Variants in ROBO1 observed in about 807,000 individuals in gnomAD.
ROBO1 encodes roundabout guidance receptor 1, also known as roundabout homolog 1.
ROBO1 carries 149 observed loss-of-function variants against 195.9 expected under a neutral mutation model. That is an observed-to-expected ratio of 0.76 (90% CI 0.67 to 0.87). The LOEUF (loss-of-function observed/expected upper bound fraction) is 0.87, where lower values mean the gene tolerates loss of function less well. Ranked by LOEUF, ROBO1 falls within the 40% of genes least tolerant of loss-of-function variation. The pLI is 0.00. For synonymous variants in ROBO1, 816 were observed against 733.2 expected, an observed-to-expected ratio of 1.11 and a Z score of -1.82; for missense variants, 1,933 against 2,068.3, an observed-to-expected ratio of 0.93 and a Z score of 1.27.
chr3:78,598,927 C>T lies in ROBO1; in HGVS notation c.4942G>A (p.Glu1648Lys). Residue 1648 changes from glutamate to lysine, a missense_variant and splice_region_variant, in exon 31 of 31, where the codon GAA (glutamate) becomes AAA (lysine). Glu to Lys is a moderately conservative substitution (Grantham distance 56, BLOSUM62 1). This residue lies in a region of ROBO1 where 1,737 missense variants were observed against 1,882.5 expected (regional missense o/e 0.92). Transcript: ENST00000464233. ...RGEDNNEELE[E>K]TES ...CTTGGTTGTCTTCAGCTTTCAGTTTCCTGTAAGAGATACGTTATTGTCACA... is the reference window on the plus strand; with the variant it reads ...CTTGGTTGTCTTCAGCTTTCAGTTTTCTGTAAGAGATACGTTATTGTCACA... 1 of 1,567,506 alleles carries T rather than the reference C, an allele frequency of 6.4e-7. No individual in the cohort carries two copies. The highest frequency in any genetic ancestry group is 8.7e-7 in the Non-Finnish European group (1 of 1,150,924).
At chr3:79,007,131 T>TAA (rs199685590) in intron 3 of ROBO1, among the ~76,000 whole-genome samples, 6 of 151,636 alleles carry the variant, frequency 4.0e-5, no homozygotes, top group African/African-American at 1.2e-4. Flanking sequence ...AAGAAAAATT[T>TAA]AAAAAAAAGG....
At chr3:79,275,595 A>G (rs550662777) in intron 2 of ROBO1, among the ~76,000 whole-genome samples, 2 of 152,076 alleles carry the variant, frequency 1.3e-5, no homozygotes, top group African/African-American at 4.8e-5. Flanking sequence ...CACTTTCACC[A>G]CTTTTACTCA....
intron 26 of ROBO1, among the ~76,000 whole-genome samples, chr3:78,624,575 A>G (rs931602838): frequency 2.0e-5 from 3 of 152,178 alleles, no homozygotes; most frequent in Non-Finnish European, 4.4e-5. Flanking sequence ...GAAACAATAG[A>G]CAGTAGGTCA....
At chr3:79,100,520 A>T (rs996363616) in intron 3 of ROBO1, among the ~76,000 whole-genome samples, 11 of 151,554 alleles carry the variant, frequency 7.3e-5, no homozygotes, top group African/African-American at 1.2e-4. Flanking sequence ...GGAATCAATT[A>T]AAAAAAACTG....
intron 4 of ROBO1, among the ~76,000 whole-genome samples, chr3:78,821,407 G>A (rs570228527): frequency 3.3e-5 from 5 of 151,822 alleles, no homozygotes; most frequent in African/African-American, 7.2e-5. Context: ...TTCTTGATCC[G>A]CCTGCCTCAG....
At chr3:79,671,357 A>G (rs7642416) in intron 1 of ROBO1, among the ~76,000 whole-genome samples, 134,151 of 151,792 alleles carry the variant, frequency 0.88, 59,341 homozygotes, top group Middle Eastern at 0.94. Flanking sequence ...TGAAAAATCC[A>G]GAGAAAACAA....
chr3:78,627,356 C>T lies in ROBO1; in HGVS notation c.3840G>A (p.Glu1280=), dbSNP rs1704871309. 5 of 1,612,530 alleles carry T rather than the reference C, an allele frequency of 3.1e-6. No homozygotes were observed. Among genetic ancestry groups the T allele is most frequent in the African/African-American group, 1.3e-5 (1 of 74,896 alleles). The change falls in exon 26 of 31, where the codon GAG becomes GAA. Residue 1280 remains glutamate (E), a synonymous_variant. Transcript: ENST00000464233. ...ELQPMLQDCP[E]ETGHMQHQPD... is the part of the protein sequence containing the mutation. ...GCTGGTGCTGCATGTGGCCAGTCTC[C>T]TCTGGACAATCCTGTAACATGGGCT... is the stretch of plus-strand genomic sequence containing the variant.
At chr3:79,129,781 C>T (rs891974753) in intron 2 of ROBO1, among the ~76,000 whole-genome samples, 4 of 152,036 alleles carry the variant, frequency 2.6e-5, no homozygotes, top group African/African-American at 9.7e-5. Flanking sequence ...AGTGTCTTGC[C>T]TAGGTTTTCT....
intron 2 of ROBO1, among the ~76,000 whole-genome samples, chr3:79,408,356 A>G (rs115948901): frequency 0.066 from 10,078 of 152,102 alleles, 402 homozygotes; most frequent in East Asian, 0.14. Flanking sequence ...TTTTAATTGA[A>G]TTTATCTTTA....
chr3:78,850,264 A>G (rs1484243070), intron 4 of ROBO1, among the ~76,000 whole-genome samples: 1 of 152,248 alleles, frequency 6.6e-6, no homozygotes, highest in African/African-American at 2.4e-5. Flanking sequence ...TTTTGGCTAC[A>G]GAATTTCAAA....
chr3:79,764,232 T>C (rs1704864466), intron 1 of ROBO1, among the ~76,000 whole-genome samples: 1 of 152,234 alleles, frequency 6.6e-6, no homozygotes. Flanking sequence ...GTTAGCCTTC[T>C]AGGACCTCAA....
chr3:79,420,841 A>T (rs2038194143), intron 2 of ROBO1, among the ~76,000 whole-genome samples: 1 of 152,174 alleles, frequency 6.6e-6, no homozygotes, highest in Admixed American at 6.6e-5. Flanking sequence ...AACTTAAAAC[A>T]GTTACCATTT....
intron 2 of ROBO1, among the ~76,000 whole-genome samples, chr3:79,585,359 T>C (rs780757357): frequency 5.0e-4 from 76 of 152,160 alleles, no homozygotes; most frequent in Non-Finnish European, 9.4e-4. Context: ...GTAAAGTCAC[T>C]TTCAATAATA....
intron 1 of ROBO1, among the ~76,000 whole-genome samples, chr3:79,664,684 A>AG (rs1946425138): frequency 6.6e-6 from 1 of 151,976 alleles, no homozygotes; most frequent in Non-Finnish European, 1.5e-5. Context: ...AGAAGGCACG[A>AG]TCCCATTCAT....
At chr3:79,370,855 G>T (rs2036167814) in intron 2 of ROBO1, among the ~76,000 whole-genome samples, 1 of 150,516 alleles carries the variant, frequency 6.6e-6, no homozygotes, top group South Asian at 2.1e-4. Flanking sequence ...CCCCCTGACT[G>T]GTCCCAGTGT....
intron 2 of ROBO1, among the ~76,000 whole-genome samples, chr3:79,289,495 G>A (rs766663663): frequency 6.6e-6 from 1 of 152,036 alleles, no homozygotes; most frequent in African/African-American, 2.4e-5. Flanking sequence ...TTTTCCTTTA[G>A]GTGAAATGTT....
At chr3:78,775,809 T>G (rs2083489546) in intron 4 of ROBO1, among the ~76,000 whole-genome samples, 1 of 152,236 alleles carries the variant, frequency 6.6e-6, no homozygotes, top group South Asian at 2.1e-4. Context: ...GATTGAAAAC[T>G]GCTTTTCTCC....
chr3:78,867,739 C>T (rs2107098909), intron 4 of ROBO1, among the ~76,000 whole-genome samples: 1 of 152,212 alleles, frequency 6.6e-6, no homozygotes, highest in East Asian at 1.9e-4. Flanking sequence ...TTCAGACTTC[C>T]AGAAATGCCT....
intron 2 of ROBO1, among the ~76,000 whole-genome samples, chr3:79,160,284 CT>C (rs138826074): frequency 0.027 from 4,048 of 150,928 alleles, 161 homozygotes; most frequent in African/African-American, 0.089. Context: ...ATCAAACAAA[CT>C]TTTTTTTCAA....
Sources: gnomAD v4.1 joint callset for allele counts (sites outside exome capture counted in the v4.1 genomes callset) on GRCh38, gnomAD v4.1.1 for gene constraint, gnomAD v4.1.1 regional missense constraint, MANE v1.5 for transcripts, NCBI Gene and HGNC (gene_info 2026-07-23, HGNC 2026-07-21) for gene names.